The following QTMAN variants were observed in gnomAD, a reference collection of about 807,000 sequenced individuals.
QTMAN encodes queuosine-tRNA mannosyltransferase.
the QTMAN span, among the ~76,000 whole-genome samples, chr2:144,154,042 T>C: frequency 1.3e-5 from 2 of 152,230 alleles, no homozygotes; most frequent in African/African-American, 2.4e-5. Context: ...CACACTGATT[T>C]TGAATCATCT....
chr2:144,294,547 A>G, the QTMAN span: 1 of 152,352 alleles, frequency 6.6e-6, no homozygotes, highest in East Asian at 1.9e-4. Context: ...ATAGGTTGAT[A>G]ATTATTGAAG....
the QTMAN span, among the ~76,000 whole-genome samples, chr2:144,237,910 G>A: frequency 1.3e-5 from 2 of 152,190 alleles, no homozygotes; most frequent in South Asian, 4.1e-4. Context: ...CCATCCTAGG[G>A]AAAGGTACAC....
the QTMAN span, among the ~76,000 whole-genome samples, chr2:144,297,014 T>C: frequency 1.2e-4 from 18 of 152,216 alleles, no homozygotes; most frequent in Non-Finnish European, 2.4e-4. Context: ...ACTATTATTA[T>C]TACTGTTTTA....
At chr2:144,216,762 G>C in the QTMAN span, among the ~76,000 whole-genome samples, 1 of 152,092 alleles carries the variant, frequency 6.6e-6, no homozygotes, top group Non-Finnish European at 1.5e-5. Flanking sequence ...TGAATTCTAG[G>C]CCAAAGTGCA....
At chr2:144,152,905 T>C in the QTMAN span, among the ~76,000 whole-genome samples, 1 of 152,116 alleles carries the variant, frequency 6.6e-6, no homozygotes, top group Non-Finnish European at 1.5e-5. Flanking sequence ...CACAAAGCAG[T>C]GTGAGATTGA....
chr2:144,191,134 C>T, the QTMAN span, among the ~76,000 whole-genome samples: 1 of 152,196 alleles, frequency 6.6e-6, no homozygotes, highest in Non-Finnish European at 1.5e-5. Flanking sequence ...AAAGAGAAGT[C>T]TCAGCACTCT....
the QTMAN span, among the ~76,000 whole-genome samples, chr2:143,998,449 A>ACATAATTTGTAGTAGTTACTGCTGT: frequency 6.6e-6 from 1 of 151,932 alleles, no homozygotes; most frequent in Non-Finnish European, 1.5e-5. Flanking sequence ...GGGAAAGCTT[A>ACATAATTTGTAGTAGTTACTGCTGT]CATAATTTGT....
chr2:144,322,247 C>G, the QTMAN span, among the ~76,000 whole-genome samples: 1 of 152,110 alleles, frequency 6.6e-6, no homozygotes, highest in South Asian at 2.1e-4. Context: ...GTCAGGACCA[C>G]TTTGTGTTCT....
chr2:144,312,868 A>G, the QTMAN span, among the ~76,000 whole-genome samples: 3 of 152,304 alleles, frequency 2.0e-5, no homozygotes, highest in East Asian at 3.9e-4. Context: ...CCCTTCCACC[A>G]TAACTGTAAG....
At chr2:144,273,864 G>A in the QTMAN span, among the ~76,000 whole-genome samples, 12 of 152,276 alleles carry the variant, frequency 7.9e-5, no homozygotes, top group South Asian at 2.1e-4. Context: ...GGCCGGGCGC[G>A]GTGGCTCACG....
the QTMAN span, among the ~76,000 whole-genome samples, chr2:144,272,109 T>C: frequency 6.6e-6 from 1 of 152,172 alleles, no homozygotes; most frequent in East Asian, 1.9e-4. Context: ...CAGCGTACTG[T>C]AATCATTTAA....
the QTMAN span, chr2:144,210,730 A>G: frequency 6.6e-6 from 1 of 152,202 alleles, no homozygotes. Context: ...AAATTGCTAG[A>G]AAGTAACTGA....
At chr2:143,999,538 T>TC in the QTMAN span, among the ~76,000 whole-genome samples, 5 of 151,968 alleles carry the variant, frequency 3.3e-5, no homozygotes, top group Non-Finnish European at 7.4e-5. Flanking sequence ...TCACACACAA[T>TC]CATGTATATA....
At chr2:144,206,555 G>A in the QTMAN span, among the ~76,000 whole-genome samples, 4,630 of 152,290 alleles carry the variant, frequency 0.03, 103 homozygotes, top group Non-Finnish European at 0.047. Flanking sequence ...GTTAAAGACT[G>A]ATTAGATTAG....
At chr2:144,057,686 C>G in the QTMAN span, among the ~76,000 whole-genome samples, 3 of 152,032 alleles carry the variant, frequency 2.0e-5, no homozygotes, top group African/African-American at 7.2e-5. Context: ...ATACCTCTTC[C>G]AAGTATTTAT....
the QTMAN span, among the ~76,000 whole-genome samples, chr2:144,221,120 C>G: frequency 2.0e-5 from 3 of 152,162 alleles, no homozygotes; most frequent in Non-Finnish European, 2.9e-5. Flanking sequence ...GGACTGTTCT[C>G]ATGTCTCCAA....
chr2:144,085,724 T>C, the QTMAN span, among the ~76,000 whole-genome samples: 2 of 152,302 alleles, frequency 1.3e-5, no homozygotes, highest in East Asian at 1.9e-4. Flanking sequence ...GTGTTTCTTA[T>C]TCAGTGAGGC....
At chr2:144,085,500 G>A in the QTMAN span, among the ~76,000 whole-genome samples, 1 of 152,168 alleles carries the variant, frequency 6.6e-6, no homozygotes, top group Non-Finnish European at 1.5e-5. Context: ...TTAGCTTAGA[G>A]GGTAAGAAAA....
the QTMAN span, among the ~76,000 whole-genome samples, chr2:144,258,705 T>G: frequency 6.6e-6 from 1 of 152,040 alleles, no homozygotes; most frequent in Non-Finnish European, 1.5e-5. Flanking sequence ...TATATAGATA[T>G]AGACATAACC....
Sources: allele counts gnomAD v4.1 joint callset (sites outside exome capture counted in the v4.1 genomes callset), GRCh38; gene constraint gnomAD v4.1.1; transcripts MANE v1.5; gene names NCBI Gene and HGNC (gene_info 2026-07-23, HGNC 2026-07-21).